Variants in GATA1 observed in about 807,000 individuals in gnomAD.
GATA1 encodes GATA binding protein 1, also known as erythroid transcription factor.
A neutral mutation model predicts 18.9 loss-of-function variants in GATA1; 2 were observed. The ratio of observed to expected loss-of-function variants is 0.11; its 90% CI spans 0.04 to 0.33. The LOEUF is 0.33. Among genes scored for constraint, GATA1 ranks in the 10% least tolerant of loss-of-function variants. The pLI, the probability that GATA1 is intolerant of heterozygous loss-of-function variation, is 1.00. For missense variants in GATA1, 272 were observed against 344.7 expected (o/e 0.79, Z 1.67); for synonymous variants, 152 against 149.1 (o/e 1.02, Z -0.14).
In GATA1 at chrX:48,793,741, CAG is replaced by C; in HGVS notation, c.871-47_871-46del. On this transcript the variant is annotated intron_variant, in intron 5 of 5. Transcript: ENST00000376670. ...GTAGAGAGGGTGTCCCTGGTTGACACAGAGAGGCAAAGGTCTGGAGTTGGGGA... is the reference window on the plus strand; with the variant it reads ...GTAGAGAGGGTGTCCCTGGTTGACACAGAGGCAAAGGTCTGGAGTTGGGGA... The C allele has an allele frequency of 3.3e-6, 4 of 1,204,409 alleles. 1 individual carries two copies. Among genetic ancestry groups the C allele is most frequent in the South Asian group, 3.6e-5 (2 of 55,882 alleles).
intron 5 of GATA1, 134 bp from the exon 6 acceptor site, chrX:48,793,659 C>T (rs1456009233): frequency 2.1e-6 from 2 of 973,336 alleles, no homozygotes; most frequent in Non-Finnish European, 2.8e-6. Flanking sequence ...CTCACAGCCT[C>T]AGGATTCCTT....
intron 1 of GATA1, among the ~76,000 whole-genome samples, chrX:48,789,627 G>A (rs1374782709): frequency 9.0e-6 from 1 of 111,166 alleles, no homozygotes; most frequent in Non-Finnish European, 1.9e-5. Context: ...AGAGGGTACC[G>A]GTAGAGGTAC....
At chrX:48,793,741 C>T in intron 5 of GATA1, 52 bp from the exon 6 acceptor site, 13 of 1,204,408 alleles carry the variant, frequency 1.1e-5, no homozygotes, top group Non-Finnish European at 1.5e-5. Context: ...CTGGTTGACA[C>T]AGAGAGGCAA....
In GATA1 at chrX:48,793,027, C is replaced by T. The variant is rs782489019; in HGVS notation, c.745-145C>T. 19 of 593,485 alleles carry T rather than the reference C, an allele frequency of 3.2e-5. No individual in the cohort carries two copies. The South Asian group carries it at 4.1e-4, about 13-fold the overall frequency. The allele number at this position is 593,485 out of a possible 1,213,427, so 48.9% of individuals were successfully genotyped here. ...TAGGAACCCCTGTACTGGCCCCATA[C>T]AGAATCCTCAGGCATCACCCTGTAA... On this transcript the variant is annotated intron_variant, in intron 4 of 5. Coordinates refer to ENST00000376670, the MANE Select transcript of GATA1 (RefSeq NM_002049.4).
intron 1 of GATA1, among the ~76,000 whole-genome samples, chrX:48,790,534 G>A (rs1290889303): frequency 2.8e-5 from 3 of 108,210 alleles, no homozygotes; most frequent in Non-Finnish European, 5.8e-5. Context: ...AAGAGAAGGA[G>A]GACAAGGAAG....
At chrX:48,791,397 C>A in intron 2 of GATA1, 68 bp downstream of exon 2, 1 of 956,678 alleles carries the variant, frequency 1.0e-6, no homozygotes, top group Non-Finnish European at 1.5e-6. Flanking sequence ...AGATCCTTGG[C>A]TAGGTCAGAA....
At position 48,794,125 on chromosome X, in the gene GATA1, C is replaced by A. The variant is rs782357429; in HGVS notation, c.1203C>A (p.Pro401=). Reference sequence around the variant, plus strand: ...CCTTCCCCACAGGCCCCATGCCCCCCACCACCAGCACTACTGTGGTGGCTC... The same window carrying A: ...CCTTCCCCACAGGCCCCATGCCCCCAACCACCAGCACTACTGTGGTGGCTC... The part of the protein sequence containing the change: ...TGSFPTGPMP[P]TTSTTVVAPL... Residue 401 remains proline, a synonymous_variant, in exon 6 of 6, where the codon CCC becomes CCA. Coordinates refer to ENST00000376670, the MANE Select transcript of GATA1 (RefSeq NM_002049.4). The A allele has an allele frequency of 1.8e-5, 21 of 1,186,357 alleles. No individual in the cohort carries two copies. Among genetic ancestry groups the A allele is most frequent in the Non-Finnish European group, 2.4e-5 (21 of 882,741 alleles).
At chrX:48,791,000 T>TGGGAGGAGGGG (rs2062672674) in intron 1 of GATA1, 91 bp from the exon 2 acceptor site, 1 of 499,207 alleles carries the variant, frequency 2.0e-6, no homozygotes, top group African/African-American at 4.5e-5. Flanking sequence ...GGTGATGGAG[T>TGGGAGGAGGGG]GGGAGGAGGG....
intron 4 of GATA1, 77 bp downstream of exon 4, chrX:48,792,545 T>C (rs1392066494): frequency 3.5e-6 from 4 of 1,155,770 alleles, no homozygotes; most frequent in Non-Finnish European, 4.7e-6. Context: ...CATCTTCCCA[T>C]TATATAGGAA....
In GATA1 at chrX:48,791,936, C is replaced by T. The variant is rs2147306239; in HGVS notation, c.313C>T (p.Pro105Ser). 8.3e-7 allele frequency: 1 copy of T among 1,211,961 alleles called. No individual in the cohort carries two copies. Among genetic ancestry groups the T allele is most frequent in the South Asian group, 1.8e-5 (1 of 57,025 alleles). ...GWAYGKTGLY[P>S]ASTVCPTRED... ...GGCCTACGGCAAGACGGGGCTCTAC[C>T]CTGCCTCAACTGTGTGTCCCACCCG... The change falls in exon 3 of 6, where the codon CCT becomes TCT. Residue 105 changes from proline (P) to serine (S), a missense_variant. Coordinates refer to ENST00000376670, the MANE Select transcript of GATA1 (RefSeq NM_002049.4).
At chrX:48,787,347 C>A (rs782809675) in intron 1 of GATA1, among the ~76,000 whole-genome samples, 3 of 111,184 alleles carry the variant, frequency 2.7e-5, no homozygotes, top group Non-Finnish European at 3.8e-5. Context: ...TTCCCCAAAC[C>A]GTATCTCAGC....
In GATA1 at chrX:48,793,926, T is replaced by C. The variant is rs1279555977; in HGVS notation, c.1004T>C (p.Met335Thr). Reference protein sequence around the residue: ...GAAEGPAGGFMVVAGGSGSGN... With the variant: ...GAAEGPAGGFTVVAGGSGSGN... ...GCCGAAGGACCAGCTGGTGGCTTTA[T>C]GGTGGTGGCTGGGGGCAGCGGTAGC... Residue 335 changes from methionine to threonine, a missense_variant, in exon 6 of 6, where the codon ATG (methionine) becomes ACG (threonine). Met to Thr is a moderately conservative substitution (Grantham distance 81). This residue lies in a region of GATA1 where 83 missense variants were observed against 84.2 expected (regional missense o/e 0.99). Coordinates refer to ENST00000376670, the MANE Select transcript of GATA1 (RefSeq NM_002049.4). The C allele has an allele frequency of 5.0e-6, 6 of 1,204,154 alleles. No individual in the cohort carries two copies. The highest frequency in any genetic ancestry group is 6.7e-6 in the Non-Finnish European group (6 of 891,704).
chrX:48,792,797 C>A (rs1186012938), intron 4 of GATA1, among the ~76,000 whole-genome samples: 3 of 111,802 alleles, frequency 2.7e-5, no homozygotes, highest in Non-Finnish European at 3.8e-5. Context: ...TTTGTCCTCA[C>A]CCTGCACACC....
In GATA1 at chrX:48,794,186, G is replaced by T. The variant is rs782524610; in HGVS notation, c.*22G>T. On this transcript the variant is annotated 3_prime_UTR_variant, in exon 6 of 6. Transcript: ENST00000376670. ...ATGAGGGCACAGAGCATGGCCTCCA[G>T]AGGAGGGGTGGTGTCCTTCTCCTCT... is the stretch of plus-strand genomic sequence containing the variant. 6.0e-5 allele frequency: 71 copies of T among 1,191,829 alleles called. 1 individual carries two copies. The South Asian group carries it at 1.3e-3, about 21-fold the overall frequency.
At chrX:48,791,701 C>A in intron 2 of GATA1, 143 bp from the exon 3 acceptor site, 2 of 692,914 alleles carry the variant, frequency 2.9e-6, no homozygotes, top group South Asian at 2.5e-5. Flanking sequence ...CATCCAATGG[C>A]CAGCAGCTGT....
intron 1 of GATA1, among the ~76,000 whole-genome samples, chrX:48,786,952 C>G (rs1388967268): frequency 9.0e-6 from 1 of 110,742 alleles, no homozygotes; most frequent in African/African-American, 3.3e-5. Context: ...ACTCTGTCTC[C>G]CAAAACATGA....
In GATA1 at chrX:48,792,151, C is replaced by T. The variant is rs781914019; in HGVS notation, c.528C>T (p.Thr176=). Residue 176 remains threonine (T), a synonymous_variant, in exon 3 of 6, where the codon ACC becomes ACT. Transcript: ENST00000376670. The part of the protein sequence containing the change: ...PDFSSTFFSP[T]GSPLNSAAYS... ...TTTCCAGTACCTTCTTTTCTCCCAC[C>T]GGGAGCCCCCTCAATTCAGCAGCCT... is the stretch of plus-strand genomic sequence containing the variant. 9 of 1,209,251 alleles carry T rather than the reference C, an allele frequency of 7.4e-6. No homozygotes were observed. Among genetic ancestry groups the T allele is most frequent in the South Asian group, 5.3e-5 (3 of 56,795 alleles).
At chrX:48,793,434 C>A in intron 5 of GATA1, 137 bp downstream of exon 5, 1 of 563,779 alleles carries the variant, frequency 1.8e-6, no homozygotes, top group Non-Finnish European at 2.9e-6. Flanking sequence ...CTTCCTCCCC[C>A]TTCCCCCATC....
Position 48,791,904 on chromosome X carries a change from C to A in GATA1, c.281C>A (p.Ala94Asp), listed in dbSNP as rs2147306146. Residue 94 changes from alanine (A) to aspartate (D), a missense_variant, in exon 3 of 6, where the codon GCC (alanine) becomes GAC (aspartate). Ala to Asp is a moderately radical substitution (Grantham distance 126). Transcript: ENST00000376670. Reference protein sequence around the residue: ...MEGIPGGSPYAGWAYGKTGLY... With the variant: ...MEGIPGGSPYDGWAYGKTGLY... Reference sequence around the variant, plus strand: ...GGGATCCCAGGGGGCTCACCATATGCCGGCTGGGCCTACGGCAAGACGGGG... The same window carrying A: ...GGGATCCCAGGGGGCTCACCATATGACGGCTGGGCCTACGGCAAGACGGGG... The A allele has an allele frequency of 8.3e-7, 1 of 1,211,915 alleles. No individual in the cohort carries two copies.
Sources: allele counts gnomAD v4.1 joint callset (sites outside exome capture counted in the v4.1 genomes callset), GRCh38; gene constraint gnomAD v4.1.1; regional missense constraint gnomAD v4.1.1; transcripts MANE v1.5; gene names NCBI Gene and HGNC (gene_info 2026-07-23, HGNC 2026-07-21).